NTM: variants seen among roughly 807,000 people sequenced by gnomAD.
NTM encodes the protein neurotrimin, also known as IgLON family member 2.
In NTM, 13 loss-of-function variants were observed where a neutral mutation model predicts 42.1. The ratio of observed to expected loss-of-function variants is 0.31; its 90% CI spans 0.20 to 0.49. The LOEUF (loss-of-function observed/expected upper bound fraction) is 0.49. Among genes scored for constraint, NTM ranks in the 20% least tolerant of loss-of-function variants. NTM has a pLI of 0.99. For missense variants in NTM, 373 were observed against 452.8 expected (o/e 0.82, Z 1.60); for synonymous variants, 187 against 179.2 (o/e 1.04, Z -0.35).
At chr11:131,823,285 G>A (rs2093266738) in intron 1 of NTM, among the ~76,000 whole-genome samples, 2 of 152,144 alleles carry the variant, frequency 1.3e-5, no homozygotes, top group African/African-American at 4.8e-5. Flanking sequence ...AGCCACACAT[G>A]TCCTCAGCCT....
At chr11:131,418,651 G>A (rs1947191727) in intron 1 of NTM, among the ~76,000 whole-genome samples, 1 of 152,208 alleles carries the variant, frequency 6.6e-6, no homozygotes, top group South Asian at 2.1e-4. Flanking sequence ...ACATGATTAT[G>A]TTCCTGTTTG....
chr11:132,179,972 T>C (rs1449013288), intron 3 of NTM, among the ~76,000 whole-genome samples: 1 of 152,198 alleles, frequency 6.6e-6, no homozygotes, highest in African/African-American at 2.4e-5. Flanking sequence ...TAGAAAATAG[T>C]GTAACACTAA....
intron 1 of NTM, among the ~76,000 whole-genome samples, chr11:131,487,338 G>A (rs1954285569): frequency 6.6e-6 from 1 of 152,072 alleles, no homozygotes; most frequent in Admixed American, 6.5e-5. Context: ...CAGGACCCAG[G>A]GCTTAATGAA....
intron 1 of NTM, among the ~76,000 whole-genome samples, chr11:131,724,863 G>A (rs1277641222): frequency 6.6e-6 from 1 of 152,198 alleles, no homozygotes; most frequent in Non-Finnish European, 1.5e-5. Flanking sequence ...TGCATGTCAG[G>A]GGAAATGACT....
intron 1 of NTM, among the ~76,000 whole-genome samples, chr11:131,873,977 T>TTATATATTA (rs1312896456): frequency 8.9e-6 from 1 of 111,776 alleles, no homozygotes; most frequent in Non-Finnish European, 1.9e-5. Context: ...ATATTATATA[T>TTATATATTA]TATATATTAT....
intron 1 of NTM, among the ~76,000 whole-genome samples, chr11:131,847,029 A>G (rs1416613175): frequency 1.3e-5 from 2 of 152,198 alleles, no homozygotes; most frequent in Non-Finnish European, 2.9e-5. Flanking sequence ...GAACTTGATC[A>G]TGATGTGGTA....
intron 2 of NTM, among the ~76,000 whole-genome samples, chr11:132,134,925 A>G (rs1352046664): frequency 4.0e-5 from 6 of 151,068 alleles, no homozygotes; most frequent in Admixed American, 4.0e-4. Context: ...GAGTAGATCT[A>G]CTTTTAGTTC....
chr11:132,202,823 G>A (rs759531673), intron 3 of NTM, among the ~76,000 whole-genome samples: 4 of 152,170 alleles, frequency 2.6e-5, no homozygotes, highest in Non-Finnish European at 5.9e-5. Context: ...ATCTTCAGAA[G>A]CACTGGTTTA....
At chr11:132,279,402 ACT>A (rs904740310) in intron 4 of NTM, among the ~76,000 whole-genome samples, 1 of 151,680 alleles carries the variant, frequency 6.6e-6, no homozygotes, top group African/African-American at 2.4e-5. Flanking sequence ...TGTTCATGTG[ACT>A]CTCGCTCCAA....
chr11:132,085,945 T>G lies in NTM; in HGVS notation c.168-60337T>G, dbSNP rs138155192. On this transcript the variant is annotated intron_variant, in intron 2 of 8. Coordinates refer to ENST00000683400, the MANE Select transcript of NTM (RefSeq NM_001352005.2). ...AGGAAAGCAGAGGTCTCTTTCAAAATGGAATCCACGGTGCCTTTTCTGTTT... is the reference window on the plus strand; with the variant it reads ...AGGAAAGCAGAGGTCTCTTTCAAAAGGGAATCCACGGTGCCTTTTCTGTTT... Among the ~76,000 whole-genome samples the G allele has an allele frequency of 5.7e-3, 873 of 152,280 alleles. 12 individuals are homozygous for G. The highest frequency in any genetic ancestry group is 0.02 in the African/African-American group (824 of 41,552).
At chr11:131,518,599 A>C (rs1765215631) in intron 1 of NTM, among the ~76,000 whole-genome samples, 1 of 152,220 alleles carries the variant, frequency 6.6e-6, no homozygotes, top group Non-Finnish European at 1.5e-5. Context: ...GGACTCATTC[A>C]AAATTGATGC....
chr11:131,850,708 A>C (rs1247372734), intron 1 of NTM, among the ~76,000 whole-genome samples: 1 of 152,214 alleles, frequency 6.6e-6, no homozygotes, highest in Non-Finnish European at 1.5e-5. Context: ...AGGTGACGAC[A>C]AGGTCACCAG....
In NTM at chr11:131,979,376, C is replaced by T. The variant is rs961686521; in HGVS notation, c.167+67728C>T. ...AAGAAGTGTGTGATAGCATTATTAA[C>T]AATTGGCGTAGTAATTTCTTGAGGT... is the stretch of plus-strand genomic sequence containing the variant. On this transcript the variant is annotated intron_variant, in intron 2 of 8. Coordinates refer to ENST00000683400, the MANE Select transcript of NTM (RefSeq NM_001352005.2). Among the ~76,000 whole-genome samples, 3 of 152,006 alleles carry T rather than the reference C, an allele frequency of 2.0e-5. No individual in the cohort carries two copies. In the East Asian group the frequency reaches 5.8e-4, roughly 29 times the overall value.
intron 1 of NTM, among the ~76,000 whole-genome samples, chr11:131,423,940 C>T (rs1188057982): frequency 6.6e-6 from 1 of 152,162 alleles, no homozygotes; most frequent in Non-Finnish European, 1.5e-5. Context: ...TTCCATTTCC[C>T]CGAGGCTTCT....
At chr11:131,795,027 C>A in intron 1 of NTM, 1 of 982,094 alleles carries the variant, frequency 1.0e-6, no homozygotes, top group Non-Finnish European at 1.2e-6. Flanking sequence ...CCTTCCTGGA[C>A]CCTGTAGCCA....
chr11:132,112,718 T>C (rs886379134), intron 2 of NTM, among the ~76,000 whole-genome samples: 5 of 142,072 alleles, frequency 3.5e-5, no homozygotes, highest in African/African-American at 5.2e-5. Flanking sequence ...ACTGCACACT[T>C]ACACACACAC....
At chr11:131,792,362 C>A (rs552589497) in intron 1 of NTM, among the ~76,000 whole-genome samples, 1 of 151,966 alleles carries the variant, frequency 6.6e-6, no homozygotes, top group Non-Finnish European at 1.5e-5. Context: ...CCTTTGCCTG[C>A]AGTGCCTGCT....
intron 1 of NTM, among the ~76,000 whole-genome samples, chr11:131,741,133 C>T (rs2081128843): frequency 6.6e-6 from 1 of 150,756 alleles, no homozygotes; most frequent in Admixed American, 6.6e-5. Context: ...CCACTGCACT[C>T]CAGCCTGGGC....
intron 1 of NTM, among the ~76,000 whole-genome samples, chr11:131,563,543 A>G (rs1237974554): frequency 7.0e-6 from 1 of 142,656 alleles, no homozygotes; most frequent in Non-Finnish European, 1.5e-5. Flanking sequence ...CCTTAGCTGA[A>G]CTTGCTTTCT....
Sources: allele counts gnomAD v4.1 joint callset (sites outside exome capture counted in the v4.1 genomes callset), GRCh38; gene constraint gnomAD v4.1.1; transcripts MANE v1.5; gene names NCBI Gene and HGNC (gene_info 2026-07-23, HGNC 2026-07-21).